The following SLC24A2 variants were observed in gnomAD, a reference collection of about 807,000 sequenced individuals.
SLC24A2 encodes sodium/potassium/calcium exchanger 2.
Under a neutral mutation model 62.0 loss-of-function variants are expected in SLC24A2, and 36 were observed. That is an observed-to-expected ratio of 0.58 (90% CI 0.44 to 0.77). SLC24A2 has a LOEUF of 0.77. Among genes scored for constraint, SLC24A2 ranks in the 30% least tolerant of loss-of-function variants. SLC24A2 has a pLI of 0.00. For synonymous variants in SLC24A2, 358 were observed against 294.0 expected, an observed-to-expected ratio of 1.22 and a Z score of -2.23; for missense variants, 846 against 817.9, an observed-to-expected ratio of 1.03 and a Z score of -0.42.
chr9:20,056,087 A>G, the SLC24A2 span, among the ~76,000 whole-genome samples: 53 of 152,330 alleles, frequency 3.5e-4, no homozygotes, highest in Admixed American at 9.1e-4. Context: ...CAAAAAGATC[A>G]TATGTAAAAT....
the SLC24A2 span, among the ~76,000 whole-genome samples, chr9:19,899,475 T>C: frequency 7.9e-5 from 12 of 152,296 alleles, no homozygotes; most frequent in South Asian, 2.1e-4. Flanking sequence ...TATACAACTA[T>C]AATAGCAAGC....
the SLC24A2 span, among the ~76,000 whole-genome samples, chr9:20,028,663 G>A: frequency 6.6e-6 from 1 of 152,130 alleles, no homozygotes; most frequent in African/African-American, 2.4e-5. Context: ...GAGCCCATCA[G>A]GCTTACTAGA....
At chr9:19,650,123 A>G (rs1818756903) in intron 2 of SLC24A2, among the ~76,000 whole-genome samples, 1 of 152,218 alleles carries the variant, frequency 6.6e-6, no homozygotes, top group South Asian at 2.1e-4. Context: ...AAAGGAGATC[A>G]TTCATATAGA....
chr9:19,781,845 T>C (rs1823029302), intron 2 of SLC24A2, among the ~76,000 whole-genome samples: 1 of 152,222 alleles, frequency 6.6e-6, no homozygotes, highest in Admixed American at 6.5e-5. Flanking sequence ...AGGCAACACA[T>C]GTATACTTAT....
the SLC24A2 span, among the ~76,000 whole-genome samples, chr9:19,854,783 A>G: frequency 1.3e-5 from 2 of 152,040 alleles, no homozygotes; most frequent in African/African-American, 4.8e-5. Flanking sequence ...TTGGGTGGAG[A>G]GTTCTGTAGA....
the SLC24A2 span, among the ~76,000 whole-genome samples, chr9:19,867,410 A>C: frequency 6.6e-6 from 1 of 152,136 alleles, no homozygotes; most frequent in Non-Finnish European, 1.5e-5. Context: ...CGATTTCAGT[A>C]ATTTGTGTCT....
chr9:19,526,289 T>C (rs997870855), intron 9 of SLC24A2, among the ~76,000 whole-genome samples: 1 of 152,210 alleles, frequency 6.6e-6, no homozygotes, highest in Non-Finnish European at 1.5e-5. Flanking sequence ...TTTTGGTAAT[T>C]ATGAATAATG....
intron 2 of SLC24A2, among the ~76,000 whole-genome samples, chr9:19,780,922 GAAAAAGAGAGTTAGAAA>G: frequency 6.9e-6 from 1 of 145,484 alleles, no homozygotes; most frequent in Non-Finnish European, 1.5e-5. Context: ...CTATTAAAGG[GAAAAAGAGAGTTAGAAA>G]AAAAATTCAA....
At chr9:19,545,856 C>T (rs376740786) in intron 8 of SLC24A2, among the ~76,000 whole-genome samples, 14 of 152,138 alleles carry the variant, frequency 9.2e-5, no homozygotes, top group Admixed American at 6.5e-5. Context: ...CCAGGATGGT[C>T]TCAATCTCCT....
chr9:19,548,865 C>A (rs1238801804), intron 8 of SLC24A2, among the ~76,000 whole-genome samples: 1 of 152,194 alleles, frequency 6.6e-6, no homozygotes, highest in Non-Finnish European at 1.5e-5. Context: ...CTGTTCCAAA[C>A]AGAAATGAGA....
the SLC24A2 span, among the ~76,000 whole-genome samples, chr9:20,016,489 A>G: frequency 1.1e-3 from 174 of 152,300 alleles, 2 homozygotes; most frequent in Admixed American, 0.011. Flanking sequence ...TTTATGTTCC[A>G]TTCACCCATA....
At chr9:20,279,290 G>A in the SLC24A2 span, among the ~76,000 whole-genome samples, 192 of 152,300 alleles carry the variant, frequency 1.3e-3, 1 homozygote, top group Non-Finnish European at 1.6e-3. Context: ...CAGCACTTTG[G>A]GAGGCTGAGG....
the SLC24A2 span, among the ~76,000 whole-genome samples, chr9:19,892,187 G>C: frequency 6.6e-6 from 1 of 152,014 alleles, no homozygotes. Flanking sequence ...TTGAAGAGCT[G>C]CCTCTTTCTC....
the SLC24A2 span, among the ~76,000 whole-genome samples, chr9:20,151,350 C>CCGA: frequency 6.6e-6 from 1 of 151,912 alleles, no homozygotes; most frequent in African/African-American, 2.4e-5. Flanking sequence ...CACTATAATG[C>CCGA]CGACTTCCAT....
At chr9:19,618,638 A>G (rs1016337211) in intron 4 of SLC24A2, among the ~76,000 whole-genome samples, 3 of 152,144 alleles carry the variant, frequency 2.0e-5, no homozygotes, top group African/African-American at 7.2e-5. Context: ...TATTCTTGAA[A>G]TTATTTAGCA....
chr9:19,527,350 CTG>C (rs1457368529), intron 9 of SLC24A2, among the ~76,000 whole-genome samples: 1 of 152,080 alleles, frequency 6.6e-6, no homozygotes, highest in Non-Finnish European at 1.5e-5. Context: ...TATCTGTAAA[CTG>C]TGGATAATAA....
chr9:20,160,777 A>G, the SLC24A2 span, among the ~76,000 whole-genome samples: 7 of 151,312 alleles, frequency 4.6e-5, no homozygotes, highest in East Asian at 1.2e-3. Context: ...AGGAAAAGTC[A>G]TAACCTTAAA....
At chr9:19,838,316 G>C in the SLC24A2 span, among the ~76,000 whole-genome samples, 1 of 152,034 alleles carries the variant, frequency 6.6e-6, no homozygotes, top group Non-Finnish European at 1.5e-5. Flanking sequence ...CAAGAAATGG[G>C]GAAAGGATTC....
chr9:19,897,768 A>G, the SLC24A2 span, among the ~76,000 whole-genome samples: 1 of 152,154 alleles, frequency 6.6e-6, no homozygotes, highest in African/African-American at 2.4e-5. Context: ...ATGTTTGGTA[A>G]TTTACTGAAC....
Sources: gnomAD v4.1 joint callset for allele counts (sites outside exome capture counted in the v4.1 genomes callset) on GRCh38, gnomAD v4.1.1 for gene constraint, MANE v1.5 for transcripts, NCBI Gene and HGNC (gene_info 2026-07-23, HGNC 2026-07-21) for gene names.